The following CMSS1 variants were observed in gnomAD, a reference collection of about 807,000 sequenced individuals.
The protein encoded by CMSS1 is cms1 ribosomal small subunit homolog, also known as protein CMSS1.
A neutral mutation model predicts 43.5 loss-of-function variants in CMSS1; 33 were observed. The observed-to-expected ratio is 0.76, with a 90% confidence interval of 0.57 to 1.01. CMSS1 has a LOEUF of 1.01. Ranked by LOEUF, CMSS1 falls within the 50% of genes least tolerant of loss-of-function variation. The pLI is 0.00. For missense variants in CMSS1, 313 were observed against 326.4 expected, an observed-to-expected ratio of 0.96 and a Z score of 0.32; for synonymous variants, 115 against 117.2, an observed-to-expected ratio of 0.98 and a Z score of 0.12.
chr3:99,984,771 A>G (rs1328453123), intron 1 of CMSS1, among the ~76,000 whole-genome samples: 4 of 152,238 alleles, frequency 2.6e-5, no homozygotes, highest in South Asian at 4.1e-4. Flanking sequence ...TGCCTGGTTG[A>G]GAAGGTAAGA....
chr3:99,909,321 G>T (rs944740579), intron 1 of CMSS1, among the ~76,000 whole-genome samples: 2 of 152,128 alleles, frequency 1.3e-5, no homozygotes, highest in Admixed American at 6.5e-5. Flanking sequence ...ATTGAATTTT[G>T]ATTGTGTGTA....
intron 1 of CMSS1, among the ~76,000 whole-genome samples, chr3:99,842,706 A>C (rs1312104564): frequency 1.3e-5 from 2 of 152,194 alleles, no homozygotes; most frequent in African/African-American, 4.8e-5. Flanking sequence ...CACAAATAAA[A>C]GTGATTATCC....
chr3:99,932,558 A>C (rs1249085210), intron 1 of CMSS1, among the ~76,000 whole-genome samples: 1 of 152,120 alleles, frequency 6.6e-6, no homozygotes, highest in African/African-American at 2.4e-5. Flanking sequence ...TTAGGTGATA[A>C]GAATTCTGTC....
intron 1 of CMSS1, among the ~76,000 whole-genome samples, chr3:99,982,815 A>G (rs1247401462): frequency 6.6e-6 from 1 of 152,226 alleles, no homozygotes; most frequent in African/African-American, 2.4e-5. Context: ...TGACAATTGA[A>G]CAGCCCAACC....
chr3:99,913,279 G>A (rs1431048792), intron 1 of CMSS1, among the ~76,000 whole-genome samples: 1 of 152,176 alleles, frequency 6.6e-6, no homozygotes, highest in Admixed American at 6.5e-5. Context: ...TTGAGGAACT[G>A]ACAGACTATT....
At chr3:100,093,103 A>G (rs1436345805) in intron 1 of CMSS1, among the ~76,000 whole-genome samples, 3 of 152,180 alleles carry the variant, frequency 2.0e-5, no homozygotes, top group African/African-American at 7.2e-5. Context: ...GTAAAATTTT[A>G]AAAGAAAAGG....
chr3:99,946,339 A>G (rs1708007146), intron 1 of CMSS1, among the ~76,000 whole-genome samples: 1 of 152,250 alleles, frequency 6.6e-6, no homozygotes, highest in Admixed American at 6.5e-5. Flanking sequence ...ACAACTATCA[A>G]TGGAGAATTT....
intron 1 of CMSS1, among the ~76,000 whole-genome samples, chr3:100,006,660 A>AG (rs1482635997): frequency 6.6e-6 from 1 of 152,094 alleles, no homozygotes; most frequent in East Asian, 1.9e-4. Context: ...CTTTCCAAAA[A>AG]AAAAAAAAAA....
chr3:100,051,577 T>G (rs1025481789), intron 1 of CMSS1, among the ~76,000 whole-genome samples: 1 of 142,898 alleles, frequency 7.0e-6, no homozygotes, highest in Non-Finnish European at 1.5e-5. Context: ...TCATTGTTCA[T>G]TTCCCACCTA....
intron 1 of CMSS1, among the ~76,000 whole-genome samples, chr3:99,985,005 T>TA (rs1360480841): frequency 6.6e-6 from 1 of 152,166 alleles, no homozygotes; most frequent in Non-Finnish European, 1.5e-5. Context: ...TAAAAATAAA[T>TA]ACTTAAAGGG....
intron 1 of CMSS1, chr3:99,876,227 T>C: frequency 1.0e-6 from 1 of 985,190 alleles, no homozygotes; most frequent in Non-Finnish European, 1.2e-6. Flanking sequence ...TGTTCTGCCT[T>C]ATAAGGCGCT....
At chr3:100,151,718 A>G (rs1009014513) in intron 2 of CMSS1, among the ~76,000 whole-genome samples, 2 of 152,122 alleles carry the variant, frequency 1.3e-5, no homozygotes, top group South Asian at 4.1e-4. Flanking sequence ...ATGAGGAGCT[A>G]TCCTGGAATC....
intron 1 of CMSS1, among the ~76,000 whole-genome samples, chr3:99,938,012 A>G (rs1388820168): frequency 6.6e-6 from 1 of 152,100 alleles, no homozygotes; most frequent in Non-Finnish European, 1.5e-5. Flanking sequence ...ATTAATATCA[A>G]TTTCAGGGCA....
At chr3:100,056,935 C>T (rs1057310600) in intron 1 of CMSS1, among the ~76,000 whole-genome samples, 8 of 151,902 alleles carry the variant, frequency 5.3e-5, no homozygotes, top group East Asian at 1.9e-4. Context: ...ACCTGGGAGG[C>T]GGAGCTTGCA....
intron 1 of CMSS1, among the ~76,000 whole-genome samples, chr3:100,045,375 A>C (rs991740871): frequency 1.3e-5 from 2 of 152,214 alleles, no homozygotes; most frequent in Non-Finnish European, 2.9e-5. Flanking sequence ...TAATTGACAA[A>C]GAGGAGAGTG....
At chr3:99,867,907 A>G (rs1271566124) in intron 1 of CMSS1, among the ~76,000 whole-genome samples, 6 of 152,218 alleles carry the variant, frequency 3.9e-5, no homozygotes, top group Admixed American at 2.0e-4. Flanking sequence ...GCAAATAAGT[A>G]CTTAAAATGT....
At chr3:100,098,094 T>C (rs2066242536) in intron 1 of CMSS1, among the ~76,000 whole-genome samples, 1 of 152,346 alleles carries the variant, frequency 6.6e-6, no homozygotes. Flanking sequence ...CTTTGACTCT[T>C]GGCTGTGCTG....
intron 1 of CMSS1, among the ~76,000 whole-genome samples, chr3:99,844,827 AG>A (rs1943290630): frequency 6.6e-6 from 1 of 152,150 alleles, no homozygotes; most frequent in Non-Finnish European, 1.5e-5. Context: ...ATGGTTTAAA[AG>A]TGGCAGTTTC....
intron 1 of CMSS1, among the ~76,000 whole-genome samples, chr3:100,045,176 A>G (rs2065259487): frequency 6.6e-6 from 1 of 152,270 alleles, no homozygotes; most frequent in Non-Finnish European, 1.5e-5. Flanking sequence ...AGCTGCGAAT[A>G]TGACCTCTCG....
Sources: gnomAD v4.1 joint callset for allele counts (sites outside exome capture counted in the v4.1 genomes callset) on GRCh38, gnomAD v4.1.1 for gene constraint, MANE v1.5 for transcripts, NCBI Gene and HGNC (gene_info 2026-07-23, HGNC 2026-07-21) for gene names.